The following KRT20 variants were observed in gnomAD, a reference collection of about 807,000 sequenced individuals.
KRT20 encodes keratin, type I cytoskeletal 20.
KRT20 carries 41 observed loss-of-function variants against 43.0 expected under a neutral mutation model. The observed-to-expected ratio is 0.95, with a 90% CI of 0.74 to 1.24. The LOEUF (loss-of-function observed/expected upper bound fraction) is 1.24, where lower values mean the gene tolerates loss of function less well. Ranked by LOEUF, KRT20 falls within the 50% of genes most tolerant of loss-of-function variation. The probability of loss-of-function intolerance (pLI) is 0.00; values close to 1 mark genes in which losing one functional copy is unlikely to be tolerated. For missense variants in KRT20, 533 were observed against 521.2 expected, an observed-to-expected ratio of 1.02 and a Z score of -0.22; for synonymous variants, 207 against 200.6, an observed-to-expected ratio of 1.03 and a Z score of -0.27.
At chr17:40,883,643 C>G (rs949861123) in intron 1 of KRT20, among the ~76,000 whole-genome samples, 2 of 152,230 alleles carry the variant, frequency 1.3e-5, no homozygotes, top group African/African-American at 4.8e-5. Context: ...TGACATTTCT[C>G]TTTCAATGGA....
rs754545663 is a variant in KRT20, at chr17:40,880,124, C to T, written c.768G>A (p.Glu256=). The T allele has an allele frequency of 1.2e-6, 2 of 1,613,844 alleles. No individual in the cohort carries two copies. The highest frequency in any genetic ancestry group is 1.1e-5 in the South Asian group (1 of 91,046). The change falls in exon 4 of 8, where the codon GAG becomes GAA. Residue 256 remains glutamate, a synonymous_variant. Coordinates refer to ENST00000167588, the MANE Select transcript of KRT20 (RefSeq NM_019010.3). ...YEVMAQKNLQ[E]AKEQFERQTA... ...CCTGTCTCTCAAACTGTTCTTTGGCCTCTTGAAGGTTCTTCTGGGCCATGA... is the reference window on the plus strand; with the variant it reads ...CCTGTCTCTCAAACTGTTCTTTGGCTTCTTGAAGGTTCTTCTGGGCCATGA...
intron 1 of KRT20, among the ~76,000 whole-genome samples, 175 bp from the exon 2 acceptor site, chr17:40,882,829 C>A (rs1399470687): frequency 6.6e-6 from 1 of 152,040 alleles, no homozygotes; most frequent in African/African-American, 2.4e-5. Flanking sequence ...CCTGCCTCAG[C>A]CTCCCGAGTA....
intron 7 of KRT20, 95 bp from the exon 8 acceptor site, chr17:40,876,553 C>A: frequency 1.4e-6 from 1 of 717,758 alleles, no homozygotes; most frequent in Non-Finnish European, 2.2e-6. Context: ...TTACTTATTT[C>A]CTTCTTTTAG....
At chr17:40,880,069 G>A (rs376739999) in intron 4 of KRT20, 31 bp downstream of exon 4, 175 of 1,601,360 alleles carry the variant, frequency 1.1e-4, no homozygotes, top group South Asian at 3.3e-5. Flanking sequence ...GCATCTACAC[G>A]TTTGCTCACC....
intron 5 of KRT20, among the ~76,000 whole-genome samples, chr17:40,878,798 T>A (rs1907461739): frequency 9.9e-6 from 1 of 100,504 alleles, no homozygotes. Flanking sequence ...GACAAATGCC[T>A]TTTCTTTTTC....
intron 1 of KRT20, among the ~76,000 whole-genome samples, chr17:40,882,858 C>T (rs1250736534): frequency 1.3e-4 from 20 of 151,890 alleles, no homozygotes; most frequent in Admixed American, 5.9e-4. Flanking sequence ...TACAGGCATC[C>T]GCCACCATGC....
rs765032268 is a variant in KRT20 at position 40,878,354 on chromosome 17, CAA to C, written c.928_929del (p.Leu310GlyfsTer35). The part of the protein sequence containing the change: ...LQSHLSMKES[L>X]EHTLEETKAR... Reference sequence around the variant, plus strand: ...CCTTGGTCTCCTCTAGAGTGTGCTCCAAAGACTCTTTCTATGAGCACAAGAAA... The same window carrying C: ...CCTTGGTCTCCTCTAGAGTGTGCTCCAGACTCTTTCTATGAGCACAAGAAA... On this transcript the variant is annotated frameshift_variant, in exon 6 of 8. Coordinates refer to ENST00000167588, the MANE Select transcript of KRT20 (RefSeq NM_019010.3). LOFTEE classifies it high-confidence loss of function. 30 of 1,613,118 alleles carry C rather than the reference CAA, an allele frequency of 1.9e-5. No homozygotes were observed. The highest frequency in any genetic ancestry group is 2.0e-5 in the Non-Finnish European group (24 of 1,179,320).
intron 2 of KRT20, among the ~76,000 whole-genome samples, chr17:40,881,500 G>A (rs547919040): frequency 2.8e-4 from 42 of 152,272 alleles, no homozygotes; most frequent in Non-Finnish European, 4.9e-4. Flanking sequence ...TGAGCCTCCT[G>A]CCTCAGCCTC....
intron 2 of KRT20, among the ~76,000 whole-genome samples, chr17:40,882,084 G>A (rs1473886954): frequency 6.6e-6 from 1 of 152,142 alleles, no homozygotes; most frequent in African/African-American, 2.4e-5. Context: ...AGACCATCCT[G>A]TAAAACACTG....
chr17:40,878,107 A>C, intron 6 of KRT20, 38 bp downstream of exon 6: 1 of 1,507,638 alleles, frequency 6.6e-7, no homozygotes, highest in East Asian at 2.3e-5. Context: ...AAGTGCATAC[A>C]GATATTGACA....
intron 1 of KRT20, among the ~76,000 whole-genome samples, chr17:40,884,032 T>A (rs1907706291): frequency 6.6e-6 from 1 of 152,230 alleles, no homozygotes; most frequent in Non-Finnish European, 1.5e-5. Context: ...GAACTTTAAT[T>A]TGAAGCAAGT....
At position 40,885,241 on chromosome 17, in the gene KRT20, C is replaced by T; in HGVS notation, c.-56G>A. 1 of 1,492,268 alleles carries T rather than the reference C, an allele frequency of 6.7e-7. No homozygotes were observed. Among genetic ancestry groups the T allele is most frequent in the Non-Finnish European group, 8.9e-7 (1 of 1,121,884 alleles). The allele number at this position is 1,492,268 out of a possible 1,614,324, so 92.4% of individuals were successfully genotyped here. A position where few individuals can be genotyped will look rare whatever the true frequency, so the allele number is the denominator to read the frequency against. ...TCAGGATGGTTGGGGCAGAGTGTGT[C>T]TCATGGAGGGTGTTGAGCTAGCCTT... On this transcript the variant is annotated 5_prime_UTR_variant, in exon 1 of 8. Transcript: ENST00000167588.
Position 40,880,132 on chromosome 17 carries a change from G to A in KRT20, c.760C>T (p.Leu254Phe). 6.2e-7 allele frequency: 1 copy of A among 1,614,084 alleles called. No individual in the cohort carries two copies. Among genetic ancestry groups the A allele is most frequent in the South Asian group, 1.1e-5 (1 of 91,074 alleles). ...QKYEVMAQKN[L>F]QEAKEQFERQ... ...TCAAACTGTTCTTTGGCCTCTTGAA[G>A]GTTCTTCTGGGCCATGACTTCATAC... Residue 254 changes from leucine to phenylalanine, a missense_variant, in exon 4 of 8, where the codon CTT becomes TTT. Coordinates refer to ENST00000167588, the MANE Select transcript of KRT20 (RefSeq NM_019010.3).
chr17:40,880,592 C>T (rs773511248), intron 3 of KRT20, 22 bp downstream of exon 3: 40 of 1,603,292 alleles, frequency 2.5e-5, no homozygotes, highest in Non-Finnish European at 3.2e-5. Flanking sequence ...GTTTCCAATA[C>T]CACTTCTGAA....
Position 40,877,207 on chromosome 17 carries a change from C to T in KRT20, c.1177+173G>A, listed in dbSNP as rs111254270. 2.5e-4 allele frequency among the ~76,000 whole-genome samples: 38 copies of T among 152,280 alleles called. 1 individual carries two copies. The highest frequency in any genetic ancestry group is 8.7e-4 in the African/African-American group (36 of 41,552). On this transcript the variant is annotated intron_variant, in intron 7 of 7. Coordinates refer to ENST00000167588, the MANE Select transcript of KRT20 (RefSeq NM_019010.3). ...CCTTGATATTGGACTTTCTGGCCTC[C>T]AGAACTGTGAGCCAAGTAAACGTCT...
At chr17:40,879,027 C>T (rs2240077) in intron 5 of KRT20, among the ~76,000 whole-genome samples, 19,850 of 152,166 alleles carry the variant, frequency 0.13, 1,868 homozygotes, top group East Asian at 0.41. Context: ...TCTCAACCTC[C>T]TGACCTCAAA....
chr17:40,884,628 G>A (rs887923307), intron 1 of KRT20, among the ~76,000 whole-genome samples, 168 bp downstream of exon 1: 2 of 152,162 alleles, frequency 1.3e-5, no homozygotes, highest in African/African-American at 4.8e-5. Context: ...TCATCCTGTT[G>A]TACAGTCAGG....
rs1462237720 is a variant in KRT20 at position 40,878,125 on chromosome 17, C to T, written c.1139+20G>A. 6.3e-7 allele frequency: 1 copy of T among 1,597,388 alleles called. No individual in the cohort carries two copies. The highest frequency in any genetic ancestry group is 8.6e-7 in the Non-Finnish European group (1 of 1,164,998). On this transcript the variant is annotated intron_variant, in intron 6 of 7. Coordinates refer to ENST00000167588, the MANE Select transcript of KRT20 (RefSeq NM_019010.3). ...TGCATACAGATATTGACACCTATTC[C>T]TTGATTCTAAGAGCCTTACTTTACG...
chr17:40,877,403 T>C lies in KRT20; in HGVS notation c.1154A>G (p.Gln385Arg). 6.6e-7 allele frequency: 1 copy of C among 1,519,256 alleles called. No homozygotes were observed. The highest frequency in any genetic ancestry group is 8.7e-7 in the Non-Finnish European group (1 of 1,143,328). The allele number at this position is 1,519,256 out of a possible 1,614,324, so 94.1% of individuals were successfully genotyped here. A position where few individuals can be genotyped will look rare whatever the true frequency, so the allele number is the denominator to read the frequency against. ...EGEDVKTTEY[Q>R]LSTLEERDIK... Reference sequence around the variant, plus strand: ...ACCTCTCTCTTCCAGGGTGCTTAACTGATATTCTGTAGTTCTGTTTTTTTT... The same window carrying C: ...ACCTCTCTCTTCCAGGGTGCTTAACCGATATTCTGTAGTTCTGTTTTTTTT... The change falls in exon 7 of 8, where the codon CAG becomes CGG. Residue 385 changes from glutamine to arginine, a missense_variant. Gln to Arg is a conservative substitution (Grantham distance 43). Coordinates refer to ENST00000167588, the MANE Select transcript of KRT20 (RefSeq NM_019010.3).
Sources: allele counts gnomAD v4.1 joint callset (sites outside exome capture counted in the v4.1 genomes callset), GRCh38; gene constraint gnomAD v4.1.1; transcripts MANE v1.5; gene names NCBI Gene and HGNC (gene_info 2026-07-23, HGNC 2026-07-21).